ASNS: variants seen among roughly 807,000 people sequenced by gnomAD.
The protein encoded by ASNS is asparagine synthetase [glutamine-hydrolyzing].
Under a neutral mutation model 62.6 loss-of-function variants are expected in ASNS, and 37 were observed. That is an observed-to-expected ratio of 0.59 (90% CI 0.45 to 0.78). ASNS has a LOEUF of 0.78. Ranked by LOEUF, ASNS falls within the 30% of genes least tolerant of loss-of-function variation. The pLI, the probability that ASNS is intolerant of heterozygous loss-of-function variation, is 0.00. For missense variants in ASNS, 520 were observed against 682.4 expected, an observed-to-expected ratio of 0.76 and a Z score of 2.65; for synonymous variants, 207 against 237.9, an observed-to-expected ratio of 0.87 and a Z score of 1.19.
At chr7:97,915,679 G>A in the ASNS span, among the ~76,000 whole-genome samples, 22 of 152,206 alleles carry the variant, frequency 1.4e-4, no homozygotes, top group Non-Finnish European at 2.5e-4. Context: ...AGATGAGACC[G>A]TGACCAGGTG....
At chr7:97,913,566 TTATTTAATCCTCACTA>T in the ASNS span, among the ~76,000 whole-genome samples, 1 of 152,146 alleles carries the variant, frequency 6.6e-6, no homozygotes, top group Non-Finnish European at 1.5e-5. Flanking sequence ...ATGTGACATC[TTATTTAATCCTCACTA>T]TATCTGCAAG....
At chr7:97,877,751 C>T in the ASNS span, among the ~76,000 whole-genome samples, 1 of 152,258 alleles carries the variant, frequency 6.6e-6, no homozygotes, top group African/African-American at 2.4e-5. Context: ...AAAAGACTCA[C>T]CTGATTAGGT....
chr7:97,893,191 G>A, the ASNS span, among the ~76,000 whole-genome samples: 1 of 152,204 alleles, frequency 6.6e-6, no homozygotes, highest in Non-Finnish European at 1.5e-5. Context: ...CAGATCTCAT[G>A]AGACTTATTC....
At chr7:97,892,973 G>C in the ASNS span, among the ~76,000 whole-genome samples, 1 of 152,206 alleles carries the variant, frequency 6.6e-6, no homozygotes, top group Non-Finnish European at 1.5e-5. Context: ...CTAATTTACT[G>C]TATTAGTCCA....
the ASNS span, among the ~76,000 whole-genome samples, chr7:97,922,165 G>A: frequency 1.4e-3 from 208 of 152,212 alleles, no homozygotes; most frequent in African/African-American, 4.7e-3. Flanking sequence ...AGGAGTTCGA[G>A]ACCAGCCTGC....
upstream of ASNS, among the ~76,000 whole-genome samples, chr7:97,876,605 T>G (rs988726363): frequency 6.6e-6 from 1 of 151,778 alleles, no homozygotes; most frequent in Non-Finnish European, 1.5e-5. Context: ...TTTTTGTATT[T>G]TTAGTAGAGA....
chr7:97,927,966 C>T, the ASNS span: 101 of 648,606 alleles, frequency 1.6e-4, no homozygotes, highest in East Asian at 2.6e-3. Flanking sequence ...AGAATGAAGG[C>T]CGCCCTCCCA....
At chr7:97,880,279 C>T in the ASNS span, among the ~76,000 whole-genome samples, 1 of 152,112 alleles carries the variant, frequency 6.6e-6, no homozygotes, top group African/African-American at 2.4e-5. Context: ...TGTGCATCAC[C>T]ACACCTAGCT....
At chr7:97,859,047 G>A in intron 5 of ASNS, 92 bp from the exon 6 acceptor site, 5 of 1,397,084 alleles carry the variant, frequency 3.6e-6, no homozygotes, top group Non-Finnish European at 5.0e-6. Context: ...CATCTATCAT[G>A]ATGGTATTTA....
At chr7:97,888,256 G>A in the ASNS span, among the ~76,000 whole-genome samples, 2 of 151,966 alleles carry the variant, frequency 1.3e-5, no homozygotes, top group African/African-American at 4.8e-5. Context: ...TTATAGGCAT[G>A]AGCCACCACA....
At chr7:97,915,563 G>A in the ASNS span, among the ~76,000 whole-genome samples, 2 of 152,218 alleles carry the variant, frequency 1.3e-5, no homozygotes, top group Non-Finnish European at 2.9e-5. Flanking sequence ...CTGAGCTAGT[G>A]TCTACCACAG....
the ASNS span, among the ~76,000 whole-genome samples, chr7:97,899,454 G>A: frequency 1.3e-5 from 2 of 152,272 alleles, no homozygotes; most frequent in Middle Eastern, 3.4e-3. Context: ...ATCAAGTGTT[G>A]AATAAAATTG....
the ASNS span, among the ~76,000 whole-genome samples, chr7:97,896,511 G>A: frequency 6.8e-6 from 1 of 147,190 alleles, no homozygotes; most frequent in Non-Finnish European, 1.5e-5. Context: ...GCAGGAGAAT[G>A]GCATGAACCC....
the ASNS span, among the ~76,000 whole-genome samples, chr7:97,883,423 C>A: frequency 3.3e-5 from 5 of 151,886 alleles, no homozygotes; most frequent in Non-Finnish European, 5.9e-5. Flanking sequence ...TCCAGCCCAC[C>A]CAACCCACAT....
chr7:97,896,721 C>T, the ASNS span, among the ~76,000 whole-genome samples: 6 of 35,458 alleles, frequency 1.7e-4, no homozygotes, highest in East Asian at 8.5e-4. Flanking sequence ...TACACACACA[C>T]ACACACACAC....
At chr7:97,895,500 T>G in the ASNS span, among the ~76,000 whole-genome samples, 1 of 152,192 alleles carries the variant, frequency 6.6e-6, no homozygotes, top group African/African-American at 2.4e-5. Context: ...AAAAAACTCT[T>G]AAAATAAATT....
At chr7:97,914,663 G>A in the ASNS span, among the ~76,000 whole-genome samples, 1 of 152,268 alleles carries the variant, frequency 6.6e-6, no homozygotes, top group Admixed American at 6.5e-5. Context: ...CGTTCCACCT[G>A]CACATGACCT....
At chr7:97,868,071 G>A (rs1266205530) in intron 3 of ASNS, among the ~76,000 whole-genome samples, 2 of 152,122 alleles carry the variant, frequency 1.3e-5, no homozygotes. Context: ...ACTTTGAGAG[G>A]TCAAGGTGGG....
At chr7:97,918,440 C>G in the ASNS span, among the ~76,000 whole-genome samples, 1 of 152,306 alleles carries the variant, frequency 6.6e-6, no homozygotes, top group East Asian at 1.9e-4. Flanking sequence ...AAAGACGTAT[C>G]GGTGCAGGGC....
Sources: allele counts gnomAD v4.1 joint callset (sites outside exome capture counted in the v4.1 genomes callset), GRCh38; gene constraint gnomAD v4.1.1; transcripts MANE v1.5; gene names NCBI Gene and HGNC (gene_info 2026-07-23, HGNC 2026-07-21).